The following PTPRD variants were observed in gnomAD, a reference collection of about 807,000 sequenced individuals.
PTPRD encodes receptor-type tyrosine-protein phosphatase delta.
Under a neutral mutation model 214.5 loss-of-function variants are expected in PTPRD, and 34 were observed. The observed-to-expected ratio is 0.16, with a 90% confidence interval of 0.12 to 0.21. The LOEUF (loss-of-function observed/expected upper bound fraction) is 0.21. Ranked by LOEUF, PTPRD falls within the 10% of genes least tolerant of loss-of-function variation. The pLI is 1.00. For missense variants in PTPRD, 2,545 were observed against 2,398.7 expected, an observed-to-expected ratio of 1.06 and a Z score of -1.27; for synonymous variants, 1,128 against 845.7, an observed-to-expected ratio of 1.33 and a Z score of -5.79.
chr9:9,521,256 C>T (rs1279647076), intron 8 of PTPRD, among the ~76,000 whole-genome samples: 2 of 152,118 alleles, frequency 1.3e-5, no homozygotes, highest in Non-Finnish European at 2.9e-5. Context: ...CTGCGTGATA[C>T]TTTTTCCTCT....
rs7865681 is a variant in PTPRD, at chr9:8,471,046, G to A, written c.3453C>T (p.Arg1151=). Residue 1151 remains arginine (R), a synonymous_variant, in exon 31 of 46, where the codon CGC becomes CGT. Coordinates refer to ENST00000381196, the MANE Select transcript of PTPRD (RefSeq NM_002839.4). ...TCTCCCATGGCTTGATAAATTTCCC[G>A]CGAGATTTCTTCAAAGGCACAATTA... ...YIIIVPLKKS[R]GKFIKPWESP... is the part of the protein sequence containing the mutation. 2,109 of 1,613,294 alleles carry A rather than the reference G, an allele frequency of 1.3e-3. 27 individuals are homozygous for A. In the African/African-American group the frequency reaches 0.024, roughly 18 times the overall value.
chr9:9,860,652 G>A (rs2062531706), intron 5 of PTPRD, among the ~76,000 whole-genome samples: 1 of 152,168 alleles, frequency 6.6e-6, no homozygotes, highest in African/African-American at 2.4e-5. Context: ...GCAAAAGCTA[G>A]ATTGAATGGT....
intron 8 of PTPRD, among the ~76,000 whole-genome samples, chr9:9,532,219 T>G (rs2075634013): frequency 6.6e-6 from 1 of 152,110 alleles, no homozygotes; most frequent in African/African-American, 2.4e-5. Context: ...TTGTATGGAC[T>G]TGAGAGAGAA....
chr9:9,519,052 C>A (rs1283180778), intron 8 of PTPRD, among the ~76,000 whole-genome samples: 1 of 151,386 alleles, frequency 6.6e-6, no homozygotes, highest in Non-Finnish European at 1.5e-5. Flanking sequence ...ATAAATAGAC[C>A]AAAAACAATT....
At chr9:10,540,900 AG>A (rs1471255802) in intron 2 of PTPRD, among the ~76,000 whole-genome samples, 1 of 152,186 alleles carries the variant, frequency 6.6e-6, no homozygotes, top group Non-Finnish European at 1.5e-5. Context: ...CAGAGGCCAA[AG>A]AATGAAATAC....
chr9:9,077,101 T>C (rs1185070633), intron 10 of PTPRD, among the ~76,000 whole-genome samples: 1 of 152,100 alleles, frequency 6.6e-6, no homozygotes, highest in Non-Finnish European at 1.5e-5. Context: ...GTATGTCTTC[T>C]TTTGAAAAAT....
At chr9:10,573,548 T>C (rs1245733300) in intron 2 of PTPRD, among the ~76,000 whole-genome samples, 1 of 151,890 alleles carries the variant, frequency 6.6e-6, no homozygotes, top group South Asian at 2.1e-4. Context: ...AGACCAGGGC[T>C]CAGGAAGACT....
At chr9:9,304,286 G>T (rs367831353) in intron 9 of PTPRD, among the ~76,000 whole-genome samples, 8 of 152,064 alleles carry the variant, frequency 5.3e-5, no homozygotes, top group African/African-American at 1.9e-4. Context: ...GGAGTCATAG[G>T]TGAAAAATAA....
chr9:9,867,090 T>C (rs1461473053), intron 5 of PTPRD, among the ~76,000 whole-genome samples: 4 of 152,170 alleles, frequency 2.6e-5, no homozygotes, highest in Non-Finnish European at 5.9e-5. Context: ...TACAAAATCA[T>C]AGAGGTTCAC....
chr9:10,384,074 CAA>C (rs33977592), intron 2 of PTPRD, among the ~76,000 whole-genome samples: 23 of 104,680 alleles, frequency 2.2e-4, no homozygotes, highest in Middle Eastern at 6.5e-3. Context: ...TTAATGGGTA[CAA>C]AAAAAAAAAA....
chr9:9,308,333 G>C (rs1353141242), intron 9 of PTPRD, among the ~76,000 whole-genome samples: 1 of 152,136 alleles, frequency 6.6e-6, no homozygotes, highest in Non-Finnish European at 1.5e-5. Context: ...TATACTTACA[G>C]GCAGTCCAGA....
At chr9:8,712,836 A>G (rs529243500) in intron 12 of PTPRD, among the ~76,000 whole-genome samples, 5 of 152,184 alleles carry the variant, frequency 3.3e-5, no homozygotes, top group African/African-American at 1.2e-4. Context: ...CTCCTGTCTC[A>G]GCCTCCCGAG....
chr9:9,957,426 A>C (rs373138793), intron 4 of PTPRD, among the ~76,000 whole-genome samples: 7 of 152,268 alleles, frequency 4.6e-5, no homozygotes, highest in African/African-American at 1.7e-4. Context: ...AGGAAAAAAC[A>C]GATAAACAAG....
intron 10 of PTPRD, among the ~76,000 whole-genome samples, chr9:9,064,535 C>A (rs2099720976): frequency 6.6e-6 from 1 of 152,172 alleles, no homozygotes; most frequent in East Asian, 1.9e-4. Context: ...CAAGGTCAGA[C>A]TCTTTCTGTG....
chr9:8,392,424 C>T (rs1241959897), intron 36 of PTPRD, among the ~76,000 whole-genome samples: 2 of 151,796 alleles, frequency 1.3e-5, no homozygotes, highest in African/African-American at 4.8e-5. Context: ...TACCTGGGAG[C>T]CTGAGGTAGG....
intron 3 of PTPRD, among the ~76,000 whole-genome samples, chr9:10,215,967 T>C (rs1354810834): frequency 1.3e-5 from 2 of 151,984 alleles, no homozygotes; most frequent in African/African-American, 2.4e-5. Context: ...GTTTTAGGCC[T>C]GAATATCAAT....
At chr9:9,416,615 A>G (rs909351060) in intron 8 of PTPRD, among the ~76,000 whole-genome samples, 92 of 152,226 alleles carry the variant, frequency 6.0e-4, no homozygotes, top group African/African-American at 2.1e-3. Flanking sequence ...CACTTCCACA[A>G]TATGCTCAAG....
intron 14 of PTPRD, among the ~76,000 whole-genome samples, chr9:8,559,152 A>G (rs1332195641): frequency 3.9e-5 from 6 of 152,226 alleles, no homozygotes; most frequent in African/African-American, 1.2e-4. Flanking sequence ...GAAAAAATCA[A>G]CAAAAATTCA....
rs568071799 is a variant in PTPRD at position 9,961,751 on chromosome 9, C to A, written c.-471-23141G>T. On this transcript the variant is annotated intron_variant, in intron 4 of 45. Transcript: ENST00000381196. ...TGAAATACAGCACTGTAATACGGTGCTTGGCAAACATGATGATCAATTATA... is the reference window on the plus strand; with the variant it reads ...TGAAATACAGCACTGTAATACGGTGATTGGCAAACATGATGATCAATTATA... Among the ~76,000 whole-genome samples, 52 of 152,148 alleles carry A rather than the reference C, an allele frequency of 3.4e-4. 1 individual carries two copies. In the South Asian group the frequency reaches 0.011, roughly 31 times the overall value.
Sources: allele counts gnomAD v4.1 joint callset (sites outside exome capture counted in the v4.1 genomes callset), GRCh38; gene constraint gnomAD v4.1.1; transcripts MANE v1.5; gene names NCBI Gene and HGNC (gene_info 2026-07-23, HGNC 2026-07-21).